ERBIN: variants seen among roughly 807,000 people sequenced by gnomAD.
ERBIN encodes densin-180-like protein.
In ERBIN, 60 loss-of-function variants were observed where a neutral mutation model predicts 158.4. That is an observed-to-expected ratio of 0.38 (90% CI 0.31 to 0.47). The LOEUF is 0.47. Ranked by LOEUF, ERBIN falls within the 20% of genes least tolerant of loss-of-function variation. The pLI is 0.99. For synonymous variants in ERBIN, 594 were observed against 557.2 expected, an observed-to-expected ratio of 1.07 and a Z score of -0.93; for missense variants, 1,610 against 1,648.0, an observed-to-expected ratio of 0.98 and a Z score of 0.40.
At chr5:65,932,533 G>A (rs958823421) in intron 1 of ERBIN, among the ~76,000 whole-genome samples, 28 of 152,124 alleles carry the variant, frequency 1.8e-4, no homozygotes, top group African/African-American at 6.8e-4. Context: ...GACCTGGAAG[G>A]TTCCTTGAAA....
At chr5:65,951,704 C>T (rs1278628581) in intron 1 of ERBIN, among the ~76,000 whole-genome samples, 4 of 152,138 alleles carry the variant, frequency 2.6e-5, no homozygotes, top group African/African-American at 9.7e-5. Context: ...TATCTCCATT[C>T]GTAAAGCTAT....
intron 21 of ERBIN, 174 bp downstream of exon 21, chr5:66,055,125 A>T (rs1355420110): frequency 7.2e-7 from 1 of 1,383,258 alleles, no homozygotes; most frequent in African/African-American, 1.4e-5. Context: ...TGGGATGATA[A>T]TGTGTGTTTC....
intron 4 of ERBIN, among the ~76,000 whole-genome samples, chr5:66,009,700 G>A (rs1487669652): frequency 2.0e-5 from 3 of 152,128 alleles, no homozygotes; most frequent in Non-Finnish European, 2.9e-5. Context: ...TGGAGGCTTG[G>A]AATAGGATTG....
intron 4 of ERBIN, 54 bp from the exon 5 acceptor site, chr5:66,011,995 A>G: frequency 8.8e-7 from 1 of 1,136,172 alleles, no homozygotes. Flanking sequence ...TGTTACTGTT[A>G]TTATTTTGTC....
At chr5:65,990,994 G>C (rs1751815666) in intron 2 of ERBIN, among the ~76,000 whole-genome samples, 1 of 152,100 alleles carries the variant, frequency 6.6e-6, no homozygotes, top group African/African-American at 2.4e-5. Context: ...GACCTCTGGT[G>C]ATCTGCCTGC....
chr5:66,025,653 T>G (rs1225923707), intron 11 of ERBIN, 101 bp downstream of exon 11: 2 of 1,019,446 alleles, frequency 2.0e-6, no homozygotes, highest in East Asian at 2.4e-5. Context: ...AAAGATTTTG[T>G]AAACATTTAA....
chr5:66,004,274 C>T lies in ERBIN; in HGVS notation c.308-7775C>T, dbSNP rs74290406. On this transcript the variant is annotated intron_variant, in intron 4 of 25. Coordinates refer to ENST00000284037, the MANE Select transcript of ERBIN (RefSeq NM_001253697.2). ...AGAATTTTGTTACTAAAGAAGTATA[C>T]GTCAAAGAAGAAGCATTATTTATTG... is the stretch of plus-strand genomic sequence containing the variant. 1.6e-3 allele frequency among the ~76,000 whole-genome samples: 249 copies of T among 152,004 alleles called. 5 individuals carry two copies. In the East Asian group the frequency reaches 0.036, roughly 22 times the overall value.
intron 4 of ERBIN, among the ~76,000 whole-genome samples, chr5:66,005,321 T>C (rs1753470091): frequency 6.6e-6 from 1 of 152,160 alleles, no homozygotes; most frequent in African/African-American, 2.4e-5. Flanking sequence ...TTGCCATCAG[T>C]TGAGATGTGG....
chr5:66,017,235 A>G (rs1167090443), intron 7 of ERBIN, among the ~76,000 whole-genome samples: 1 of 151,994 alleles, frequency 6.6e-6, no homozygotes, highest in Non-Finnish European at 1.5e-5. Context: ...GGATTATGTG[A>G]TAGTTCTATT....
At chr5:66,036,740 G>A (rs7707068) in intron 14 of ERBIN, among the ~76,000 whole-genome samples, 1 of 152,120 alleles carries the variant, frequency 6.6e-6, no homozygotes, top group Admixed American at 6.5e-5. Context: ...AGGCTCTTAG[G>A]AAATATTCAT....
At chr5:66,071,250 T>C (rs1167874239) in intron 21 of ERBIN, among the ~76,000 whole-genome samples, 2 of 152,066 alleles carry the variant, frequency 1.3e-5, no homozygotes, top group African/African-American at 2.4e-5. Context: ...ACAACTGTTA[T>C]CCCAGCTACT....
intron 1 of ERBIN, among the ~76,000 whole-genome samples, chr5:65,986,971 A>G (rs1349661324): frequency 6.6e-6 from 1 of 152,174 alleles, no homozygotes; most frequent in Non-Finnish European, 1.5e-5. Context: ...ATCCTTGTTG[A>G]CTTACGGTAA....
intron 15 of ERBIN, among the ~76,000 whole-genome samples, chr5:66,039,008 A>G (rs997953945): frequency 4.0e-5 from 6 of 150,982 alleles, no homozygotes; most frequent in Non-Finnish European, 8.9e-5. Flanking sequence ...TGTTTTTAGT[A>G]TATGTTGTAC....
chr5:66,021,878 C>T (rs778989883), intron 8 of ERBIN, among the ~76,000 whole-genome samples: 1 of 151,788 alleles, frequency 6.6e-6, no homozygotes, highest in Non-Finnish European at 1.5e-5. Flanking sequence ...ATGCCAAGTG[C>T]GCTATGAAGC....
At position 66,041,740 on chromosome 5, in the gene ERBIN, A is replaced by G. The variant is rs548518013; in HGVS notation, c.1307-1337A>G. On this transcript the variant is annotated intron_variant, in intron 15 of 25. Coordinates refer to ENST00000284037, the MANE Select transcript of ERBIN (RefSeq NM_001253697.2). The stretch of plus-strand genomic sequence containing the variant: ...GTGATTGAAATTACTGCCCTGGAAC[A>G]AGGGAGAGGGAATTATATGAATTAA... Among the ~76,000 whole-genome samples the G allele has an allele frequency of 2.0e-5, 3 of 152,144 alleles. No individual in the cohort carries two copies. The East Asian group carries it at 5.8e-4, about 29-fold the overall frequency.
chr5:65,945,728 G>C (rs1745658281), intron 1 of ERBIN, among the ~76,000 whole-genome samples: 1 of 152,178 alleles, frequency 6.6e-6, no homozygotes, highest in East Asian at 1.9e-4. Context: ...TTAAAATTCA[G>C]ATCTCTCTAC....
At position 66,078,676 on chromosome 5, in the gene ERBIN, TGTG is replaced by T. The variant is rs1762229661; in HGVS notation, c.*149_*151del. ...TGTACATTAATGAAATAATGGAACT[TGTG>T]GTTAGAGGGAAAGAACCACTGTACA... On this transcript the variant is annotated 3_prime_UTR_variant, in exon 26 of 26. Transcript: ENST00000284037. 3.2e-6 allele frequency: 2 copies of T among 627,578 alleles called. No homozygotes were observed. The highest frequency in any genetic ancestry group is 3.1e-5 in the Admixed American group (1 of 32,112). The allele number at this position is 627,578 out of a possible 1,614,324, so 38.9% of individuals were successfully genotyped here.
intron 1 of ERBIN, among the ~76,000 whole-genome samples, chr5:65,959,631 A>G (rs993786614): frequency 6.6e-6 from 1 of 152,108 alleles, no homozygotes. Context: ...ATAAATTTTT[A>G]TTTTTCTGAT....
chr5:65,948,357 A>G (rs1009782590), intron 1 of ERBIN, among the ~76,000 whole-genome samples: 7 of 151,400 alleles, frequency 4.6e-5, no homozygotes, highest in Non-Finnish European at 1.0e-4. Flanking sequence ...TTTTTTTTTA[A>G]GTAGAGATAA....
Sources: allele counts gnomAD v4.1 joint callset (sites outside exome capture counted in the v4.1 genomes callset), GRCh38; gene constraint gnomAD v4.1.1; transcripts MANE v1.5; gene names NCBI Gene and HGNC (gene_info 2026-07-23, HGNC 2026-07-21).